Variants in ADGB observed in about 807,000 individuals in gnomAD.
ADGB encodes the protein calpain-7-like protein.
A neutral mutation model predicts 210.5 loss-of-function variants in ADGB; 172 were observed. The ratio of observed to expected loss-of-function variants is 0.82; its 90% CI spans 0.72 to 0.93. The LOEUF (loss-of-function observed/expected upper bound fraction) is 0.93, where lower values mean the gene tolerates loss of function less well. ADGB is among the 40% of genes least tolerant of loss of function. ADGB has a pLI of 0.00. For missense variants in ADGB, 2,025 were observed against 1,964.8 expected, an observed-to-expected ratio of 1.03 and a Z score of -0.58; for synonymous variants, 658 against 662.7, an observed-to-expected ratio of 0.99 and a Z score of 0.11.
intron 35 of ADGB, chr6:146,807,795 C>T: frequency 2.6e-6 from 1 of 379,840 alleles, no homozygotes; most frequent in South Asian, 5.0e-5. Context: ...AATAAAATAG[C>T]TTCCAAATAT....
At chr6:146,710,720 T>A (rs1431932337) in intron 13 of ADGB, among the ~76,000 whole-genome samples, 1 of 152,124 alleles carries the variant, frequency 6.6e-6, no homozygotes, top group Non-Finnish European at 1.5e-5. Context: ...AATTATTGAT[T>A]GTATTCGTTT....
chr6:146,686,099 TTATA>T (rs2114916832), intron 10 of ADGB, among the ~76,000 whole-genome samples: 1 of 152,164 alleles, frequency 6.6e-6, no homozygotes, highest in South Asian at 2.1e-4. Context: ...GATCCTTCTG[TTATA>T]ATCAAAAAGA....
Position 146,692,890 on chromosome 6 carries a change from A to G in ADGB, c.1552A>G (p.Thr518Ala). The G allele has an allele frequency of 6.5e-7, 1 of 1,532,078 alleles. No individual in the cohort carries two copies. Among genetic ancestry groups the G allele is most frequent in the Non-Finnish European group, 8.8e-7 (1 of 1,132,578 alleles). The allele number at this position is 1,532,078 out of a possible 1,614,324, so 94.9% of individuals were successfully genotyped here. A position where few individuals can be genotyped will look rare whatever the true frequency, so the allele number is the denominator to read the frequency against. ...AAGTCCATTTTTGAATTATAGAATG[A>G]CTCCATTTACAATTCCAACAGAAAT... ...ISSPFLNYRM[T>A]PFTIPTEMHF... Residue 518 changes from threonine (T) to alanine (A), a missense_variant, in exon 12 of 36, where the codon ACT becomes GCT. By Grantham distance (58) the Thr-to-Ala change is moderately conservative (BLOSUM62 0). Coordinates refer to ENST00000397944, the MANE Select transcript of ADGB (RefSeq NM_024694.4).
At chr6:146,671,374 G>T (rs62434363) in intron 7 of ADGB, among the ~76,000 whole-genome samples, 29,567 of 152,146 alleles carry the variant, frequency 0.19, 3,555 homozygotes, top group Admixed American at 0.3. Flanking sequence ...ACTGCACTGA[G>T]AAAAGGTAGT....
intron 27 of ADGB, among the ~76,000 whole-genome samples, chr6:146,762,562 A>G (rs1172443163): frequency 6.6e-6 from 1 of 152,126 alleles, no homozygotes; most frequent in African/African-American, 2.4e-5. Context: ...CTGCTTCTTC[A>G]TCTATCAAAT....
At chr6:146,736,154 A>G (rs369570297) in intron 22 of ADGB, among the ~76,000 whole-genome samples, 1 of 152,186 alleles carries the variant, frequency 6.6e-6, no homozygotes, top group East Asian at 1.9e-4. Context: ...CAAAAATTGG[A>G]TGGATTACTT....
chr6:146,638,377 G>A (rs943865951), intron 2 of ADGB, among the ~76,000 whole-genome samples: 2 of 151,796 alleles, frequency 1.3e-5, no homozygotes, highest in African/African-American at 4.8e-5. Flanking sequence ...ATGATAGACT[G>A]GATTAAGAAA....
chr6:146,654,812 G>A (rs756837055), intron 4 of ADGB, among the ~76,000 whole-genome samples: 1 of 152,096 alleles, frequency 6.6e-6, no homozygotes, highest in Non-Finnish European at 1.5e-5. Flanking sequence ...GTGTGTATAT[G>A]TGTGTTAAGA....
intron 35 of ADGB, chr6:146,802,429 G>C (rs1778148652): frequency 5.6e-6 from 1 of 179,680 alleles, no homozygotes; most frequent in Non-Finnish European, 1.1e-5. Context: ...GTGGTTCCTA[G>C]TGGTAAGTCC....
At chr6:146,647,274 A>C (rs2114874831) in intron 3 of ADGB, among the ~76,000 whole-genome samples, 1 of 151,806 alleles carries the variant, frequency 6.6e-6, no homozygotes, top group East Asian at 1.9e-4. Flanking sequence ...TCAAAAATCT[A>C]ATAATAATAA....
At chr6:146,614,606 T>TA (rs1394908510) in intron 1 of ADGB, among the ~76,000 whole-genome samples, 2 of 152,216 alleles carry the variant, frequency 1.3e-5, no homozygotes, top group African/African-American at 4.8e-5. Context: ...ATTTATAGGG[T>TA]AATGTGATAT....
chr6:146,623,165 C>T (rs967524085), intron 1 of ADGB, among the ~76,000 whole-genome samples: 6 of 151,570 alleles, frequency 4.0e-5, no homozygotes, highest in Non-Finnish European at 4.4e-5. Context: ...TTCTATTTTC[C>T]GTTTGGGTCC....
intron 22 of ADGB, among the ~76,000 whole-genome samples, chr6:146,736,194 G>C (rs1030995379): frequency 6.6e-6 from 1 of 152,152 alleles, no homozygotes. Context: ...CACAAAAAAA[G>C]TTTTAGTGTG....
rs118157974 is a variant in ADGB at position 146,620,261 on chromosome 6, G to A, written c.75-15114G>A. On this transcript the variant is annotated intron_variant, in intron 1 of 35. Coordinates refer to ENST00000397944, the MANE Select transcript of ADGB (RefSeq NM_024694.4). ...TGTGCCTTGGGGAATCCCTCTTCGG[G>A]TTGAATTTGATTGGTTATGTCTGAG... is the stretch of plus-strand genomic sequence containing the variant. 4.9e-3 allele frequency among the ~76,000 whole-genome samples: 740 copies of A among 152,202 alleles called. 13 individuals are homozygous for A. In the East Asian group the frequency reaches 0.062, roughly 13 times the overall value.
At chr6:146,680,257 C>T (rs944178093) in intron 9 of ADGB, among the ~76,000 whole-genome samples, 1 of 152,118 alleles carries the variant, frequency 6.6e-6, no homozygotes, top group Admixed American at 6.6e-5. Context: ...TCCCTTTTTG[C>T]TAGCTCAATG....
In ADGB at chr6:146,626,226, C is replaced by A. The variant is rs148803062; in HGVS notation, c.75-9149C>A. Among the ~76,000 whole-genome samples, 509 of 152,038 alleles carry A rather than the reference C, an allele frequency of 3.3e-3. 2 individuals are homozygous for A. Among genetic ancestry groups the A allele is most frequent in the African/African-American group, 0.011 (470 of 41,502 alleles). On this transcript the variant is annotated intron_variant, in intron 1 of 35. Transcript: ENST00000397944. The stretch of plus-strand genomic sequence containing the variant: ...ACTCCAAGCACTATGCTATTATCAT[C>A]ATATATTTGATGTTATATATATTAT...
chr6:146,685,754 T>C lies in ADGB; in HGVS notation c.1237T>C (p.Ser413Pro). ...LSDCSSAIQT[S>P]HMVVYATFTP... ...TACAGGTTCTTCTGCAATACAGACC[T>C]CTCATATGGTCGTATATGCGACATT... Residue 413 changes from serine (S) to proline (P), a missense_variant, in exon 10 of 36, where the codon TCT becomes CCT. Transcript: ENST00000397944. 6.5e-7 allele frequency: 1 copy of C among 1,534,656 alleles called. No homozygotes were observed. Among genetic ancestry groups the C allele is most frequent in the Non-Finnish European group, 8.8e-7 (1 of 1,140,160 alleles).
At chr6:146,803,397 AG>A in intron 35 of ADGB, 1 of 1,608,378 alleles carries the variant, frequency 6.2e-7, no homozygotes, top group Non-Finnish European at 8.5e-7. Flanking sequence ...TGCACAAGCC[AG>A]TTCATTTTCT....
chr6:146,610,910 G>T (rs376860677), intron 1 of ADGB, among the ~76,000 whole-genome samples: 1 of 152,110 alleles, frequency 6.6e-6, no homozygotes, highest in Non-Finnish European at 1.5e-5. Context: ...ACACATGCAC[G>T]CTGGCATGGA....
Sources: gnomAD v4.1 joint callset for allele counts (sites outside exome capture counted in the v4.1 genomes callset) on GRCh38, gnomAD v4.1.1 for gene constraint, MANE v1.5 for transcripts, NCBI Gene and HGNC (gene_info 2026-07-23, HGNC 2026-07-21) for gene names.